NKAIN3: variants seen among roughly 807,000 people sequenced by gnomAD.
NKAIN3 encodes sodium/potassium-transporting ATPase subunit beta-1-interacting protein 3.
In NKAIN3, 25 loss-of-function variants were observed where a neutral mutation model predicts 30.2. The observed-to-expected ratio is 0.83, with a 90% CI of 0.60 to 1.16. NKAIN3 has a LOEUF of 1.16. NKAIN3 is among the 50% of genes most tolerant of loss of function. The pLI is 0.00. For missense variants in NKAIN3, 225 were observed against 254.1 expected (o/e 0.89, Z 0.78); for synonymous variants, 91 against 89.6 (o/e 1.02, Z -0.09).
chr8:62,383,886 T>A (rs1458000687), intron 1 of NKAIN3, among the ~76,000 whole-genome samples: 1 of 152,034 alleles, frequency 6.6e-6, no homozygotes, highest in East Asian at 1.9e-4. Context: ...ATTTTCTTTT[T>A]TTTTTTTTCC....
chr8:62,415,148 A>G, intron 1 of NKAIN3, among the ~76,000 whole-genome samples: 1 of 138,274 alleles, frequency 7.2e-6, no homozygotes, highest in African/African-American at 2.6e-5. Flanking sequence ...TATATGTATT[A>G]TATACTATAG....
chr8:62,673,687 GGTATA>G lies in NKAIN3; in HGVS notation c.274-73242_274-73238del, dbSNP rs1813382885. 1.3e-5 allele frequency among the ~76,000 whole-genome samples: 2 copies of G among 152,152 alleles called. 1 individual carries two copies. Among genetic ancestry groups the G allele is most frequent in the South Asian group, 4.1e-4 (2 of 4,826 alleles). ...TGCCTACTACATGCTTAGGCTATATGGTATAGTCTGTTTCTCCTAGGCTACAAACC... is the reference window on the plus strand; with the variant it reads ...TGCCTACTACATGCTTAGGCTATATGGTCTGTTTCTCCTAGGCTACAAACC... On this transcript the variant is annotated intron_variant, in intron 3 of 6. Transcript: ENST00000623646.
intron 1 of NKAIN3, among the ~76,000 whole-genome samples, chr8:62,520,046 CAACA>C (rs1041185246): frequency 1.5e-3 from 230 of 152,184 alleles, no homozygotes; most frequent in African/African-American, 5.2e-3. Flanking sequence ...CAAGACAATC[CAACA>C]AACAAACAAA....
intron 1 of NKAIN3, among the ~76,000 whole-genome samples, chr8:62,294,873 C>T (rs1284678744): frequency 6.6e-6 from 1 of 152,118 alleles, no homozygotes; most frequent in African/African-American, 2.4e-5. Flanking sequence ...AAAGTAATTA[C>T]CTACATAGTT....
chr8:62,975,033 C>T lies in NKAIN3; in HGVS notation c.*9626C>T, dbSNP rs1373276338. ...AGCTGACTTGATCATGGTGGGTAAG[C>T]TTTTTAATGTACTGCTGCATTTCTT... is the stretch of plus-strand genomic sequence containing the variant. On this transcript the variant is annotated 3_prime_UTR_variant, in exon 7 of 7. Coordinates refer to ENST00000623646, the MANE Select transcript of NKAIN3 (RefSeq NM_001304533.3). Among the ~76,000 whole-genome samples, 1 of 152,150 alleles carries T rather than the reference C, an allele frequency of 6.6e-6. No individual in the cohort carries two copies. Among genetic ancestry groups the T allele is most frequent in the Non-Finnish European group, 1.5e-5 (1 of 68,024 alleles).
intron 1 of NKAIN3, among the ~76,000 whole-genome samples, chr8:62,495,579 A>G (rs1389494033): frequency 1.3e-5 from 2 of 149,784 alleles, no homozygotes; most frequent in East Asian, 1.9e-4. Context: ...TAAATATAAT[A>G]TAAAATTTAT....
chr8:62,926,564 GTCAGTGCCGCAGA>G (rs1005132568), intron 5 of NKAIN3, among the ~76,000 whole-genome samples: 113 of 152,280 alleles, frequency 7.4e-4, no homozygotes, highest in African/African-American at 2.2e-3. Context: ...TATTTGAGCT[GTCAGTGCCGCAGA>G]TCACCCTAGC....
chr8:62,449,957 A>G (rs1483678960), intron 1 of NKAIN3, among the ~76,000 whole-genome samples: 1 of 152,184 alleles, frequency 6.6e-6, no homozygotes, highest in Non-Finnish European at 1.5e-5. Flanking sequence ...TAGAGGAAGC[A>G]AAATAATGAC....
chr8:62,971,062 C>G lies in NKAIN3; in HGVS notation c.*5655C>G, dbSNP rs929130515. 1.3e-5 allele frequency among the ~76,000 whole-genome samples: 1 copy of G among 74,906 alleles called. No homozygotes were observed. Among genetic ancestry groups the G allele is most frequent in the Non-Finnish European group, 2.5e-5 (1 of 40,540 alleles). 49.1% of individuals were successfully genotyped at this position (74,906 alleles called of 152,430 possible). ...ATGTGATTTCCCTAGAGACAAGGAC[C>G]GAGACTCCTCTCATTGCTTCATCCT... On this transcript the variant is annotated 3_prime_UTR_variant, in exon 7 of 7. Coordinates refer to ENST00000623646, the MANE Select transcript of NKAIN3 (RefSeq NM_001304533.3).
intron 4 of NKAIN3, among the ~76,000 whole-genome samples, chr8:62,797,737 C>A (rs1817905824): frequency 6.6e-6 from 1 of 152,116 alleles, no homozygotes; most frequent in South Asian, 2.1e-4. Context: ...GAAGTCCTAA[C>A]CCTCAGTGAC....
At chr8:62,603,295 G>A (rs977036150) in intron 3 of NKAIN3, among the ~76,000 whole-genome samples, 3 of 152,166 alleles carry the variant, frequency 2.0e-5, no homozygotes, top group East Asian at 1.9e-4. Context: ...TGATAAACAC[G>A]TTTTGTGACA....
At chr8:62,562,036 A>C (rs1041194569) in intron 1 of NKAIN3, among the ~76,000 whole-genome samples, 3 of 152,176 alleles carry the variant, frequency 2.0e-5, no homozygotes, top group Non-Finnish European at 4.4e-5. Flanking sequence ...GGGTGTTGAC[A>C]GTGTATCTCC....
intron 3 of NKAIN3, among the ~76,000 whole-genome samples, chr8:62,597,568 C>T (rs1165041051): frequency 6.6e-6 from 1 of 151,824 alleles, no homozygotes; most frequent in Non-Finnish European, 1.5e-5. Flanking sequence ...TTCTATTTTT[C>T]AAGGTGAAAA....
intron 4 of NKAIN3, among the ~76,000 whole-genome samples, chr8:62,807,262 C>G (rs573418160): frequency 6.6e-6 from 1 of 152,232 alleles, no homozygotes; most frequent in African/African-American, 2.4e-5. Context: ...TTTTAATAAA[C>G]TTGACTGATA....
chr8:62,304,548 C>CATTT (rs201433105), intron 1 of NKAIN3, among the ~76,000 whole-genome samples: 4,429 of 150,320 alleles, frequency 0.029, 556 homozygotes, highest in African/African-American at 0.1. Flanking sequence ...TCACCTCAAA[C>CATTT]ATCATTTCTT....
At chr8:62,376,929 T>C (rs1479133570) in intron 1 of NKAIN3, among the ~76,000 whole-genome samples, 1 of 152,144 alleles carries the variant, frequency 6.6e-6, no homozygotes, top group Non-Finnish European at 1.5e-5. Context: ...ATACTGACTT[T>C]ATATATATTT....
chr8:62,605,784 AC>A (rs1395581579), intron 3 of NKAIN3, among the ~76,000 whole-genome samples: 3 of 152,052 alleles, frequency 2.0e-5, no homozygotes, highest in South Asian at 2.1e-4. Context: ...GGATTTGAGC[AC>A]CCTCAGATTT....
At chr8:62,755,117 G>A (rs896576565) in intron 4 of NKAIN3, among the ~76,000 whole-genome samples, 3 of 152,134 alleles carry the variant, frequency 2.0e-5, no homozygotes, top group Admixed American at 2.0e-4. Context: ...GACCCATGAG[G>A]GTAGTGTTAT....
chr8:62,513,337 T>A (rs1433202616), intron 1 of NKAIN3, among the ~76,000 whole-genome samples: 1 of 151,226 alleles, frequency 6.6e-6, no homozygotes, highest in South Asian at 2.1e-4. Flanking sequence ...ATAGACCCAG[T>A]TGCTGCTCTC....
Sources: allele counts gnomAD v4.1 joint callset (sites outside exome capture counted in the v4.1 genomes callset), GRCh38; gene constraint gnomAD v4.1.1; transcripts MANE v1.5; gene names NCBI Gene and HGNC (gene_info 2026-07-23, HGNC 2026-07-21).